The following DGKI variants were observed in gnomAD, a reference collection of about 807,000 sequenced individuals.
DGKI encodes diacylglycerol kinase iota.
DGKI carries 55 observed loss-of-function variants against 147.5 expected under a neutral mutation model. The observed-to-expected ratio is 0.37, with a 90% CI of 0.30 to 0.47. The LOEUF is 0.47. Among genes scored for constraint, DGKI ranks in the 20% least tolerant of loss-of-function variants. DGKI has a pLI of 1.00. For synonymous variants in DGKI, 469 were observed against 477.1 expected (o/e 0.98, Z 0.22); for missense variants, 1,007 against 1,323.8 (o/e 0.76, Z 3.71).
intron 21 of DGKI, among the ~76,000 whole-genome samples, chr7:137,489,024 T>G (rs1250005389): frequency 1.3e-5 from 2 of 152,120 alleles, no homozygotes; most frequent in African/African-American, 2.4e-5. Flanking sequence ...AGAGTTTGTA[T>G]CTCAATGTTA....
intron 10 of DGKI, among the ~76,000 whole-genome samples, 164 bp from the exon 11 acceptor site, chr7:137,600,069 A>G (rs1317179660): frequency 6.6e-6 from 1 of 151,278 alleles, no homozygotes; most frequent in Non-Finnish European, 1.5e-5. Flanking sequence ...GGATCACTTG[A>G]GCCCAGGAGT....
At chr7:137,505,928 A>G (rs963838895) in intron 21 of DGKI, among the ~76,000 whole-genome samples, 1 of 151,390 alleles carries the variant, frequency 6.6e-6, no homozygotes, top group African/African-American at 2.4e-5. Context: ...ACCTAATAGA[A>G]TGGCTAAAAT....
intron 28 of DGKI, 131 bp downstream of exon 28, chr7:137,443,946 C>T (rs1394235104): frequency 4.1e-6 from 3 of 731,178 alleles, no homozygotes; most frequent in Non-Finnish European, 4.4e-6. Context: ...TGACATTTCA[C>T]ATTCAAAAAC....
chr7:137,409,812 T>C (rs1812094537), intron 29 of DGKI, among the ~76,000 whole-genome samples: 1 of 152,154 alleles, frequency 6.6e-6, no homozygotes. Flanking sequence ...GTCCAGGAGC[T>C]ATTTGTGACA....
chr7:137,814,992 A>C (rs951127868), intron 1 of DGKI, among the ~76,000 whole-genome samples: 4 of 152,136 alleles, frequency 2.6e-5, no homozygotes, highest in Non-Finnish European at 5.9e-5. Context: ...GCTAACTTGA[A>C]TCCTGCTGAA....
At chr7:137,449,644 A>T (rs1464906370) in intron 27 of DGKI, among the ~76,000 whole-genome samples, 2 of 152,226 alleles carry the variant, frequency 1.3e-5, no homozygotes, top group Non-Finnish European at 2.9e-5. Flanking sequence ...CGATTACCTC[A>T]AATTCAAAAG....
intron 19 of DGKI, among the ~76,000 whole-genome samples, chr7:137,568,961 C>T (rs993184118): frequency 4.0e-5 from 6 of 149,134 alleles, no homozygotes; most frequent in African/African-American, 1.5e-4. Flanking sequence ...ACAAAAAGAA[C>T]AAGAACAAGA....
At chr7:137,565,692 A>C (rs1347672734) in intron 19 of DGKI, among the ~76,000 whole-genome samples, 2 of 152,178 alleles carry the variant, frequency 1.3e-5, no homozygotes, top group Non-Finnish European at 2.9e-5. Context: ...CGTCTTGAGA[A>C]GTTTAAATTA....
intron 1 of DGKI, among the ~76,000 whole-genome samples, chr7:137,717,285 C>A (rs1435943144): frequency 1.3e-5 from 2 of 152,132 alleles, no homozygotes; most frequent in Non-Finnish European, 2.9e-5. Flanking sequence ...ATGGCACAGA[C>A]ACGCCTTTTT....
At chr7:137,500,938 C>A (rs903131686) in intron 21 of DGKI, among the ~76,000 whole-genome samples, 9 of 152,106 alleles carry the variant, frequency 5.9e-5, no homozygotes, top group Non-Finnish European at 1.3e-4. Context: ...ACTACTATCA[C>A]CTGTGCTATA....
chr7:137,715,595 G>C (rs945895117), intron 1 of DGKI, among the ~76,000 whole-genome samples: 1 of 152,180 alleles, frequency 6.6e-6, no homozygotes, highest in Non-Finnish European at 1.5e-5. Context: ...TAAAGTCCCA[G>C]CTTCACTTAG....
In DGKI at chr7:137,683,316, ATCACTCTTTTATCCTTG is replaced by A. The variant is rs563893732; in HGVS notation, c.511-4681_511-4665del. Reference sequence around the variant, plus strand: ...ATACTAGACTCCAATAACAGCATCAATCACTCTTTTATCCTTGTCACTCTTTTATCCTTGTCACTCTT... The same window carrying A: ...ATACTAGACTCCAATAACAGCATCAATCACTCTTTTATCCTTGTCACTCTT... On this transcript the variant is annotated intron_variant, in intron 2 of 32. Coordinates refer to ENST00000614521, the MANE Select transcript of DGKI (RefSeq NM_001321708.2). Among the ~76,000 whole-genome samples, 25 of 151,790 alleles carry A rather than the reference ATCACTCTTTTATCCTTG, an allele frequency of 1.6e-4. No homozygotes were observed. The South Asian group carries it at 1.7e-3, about 10-fold the overall frequency.
At chr7:137,437,014 T>C (rs10244101) in intron 28 of DGKI, among the ~76,000 whole-genome samples, 65,497 of 151,954 alleles carry the variant, frequency 0.43, 14,938 homozygotes, top group East Asian at 0.74. Context: ...ACAAGTACTG[T>C]CACCTGCATC....
intron 27 of DGKI, among the ~76,000 whole-genome samples, chr7:137,458,154 T>C (rs529058047): frequency 1.3e-5 from 2 of 152,326 alleles, no homozygotes; most frequent in African/African-American, 2.4e-5. Flanking sequence ...ATTGACTGAA[T>C]TGTTTACCCT....
chr7:137,563,074 G>C (rs1818470404), intron 19 of DGKI, among the ~76,000 whole-genome samples: 1 of 151,818 alleles, frequency 6.6e-6, no homozygotes, highest in Non-Finnish European at 1.5e-5. Context: ...AGCCTAAGAG[G>C]GGCTTATCCT....
At chr7:137,741,294 T>C (rs1795167114) in intron 1 of DGKI, among the ~76,000 whole-genome samples, 1 of 152,226 alleles carries the variant, frequency 6.6e-6, no homozygotes, top group Non-Finnish European at 1.5e-5. Flanking sequence ...ATCAGAGTCA[T>C]TATTCATGCC....
At chr7:137,691,133 GA>G (rs1313143854) in intron 1 of DGKI, among the ~76,000 whole-genome samples, 3 of 152,148 alleles carry the variant, frequency 2.0e-5, no homozygotes, top group African/African-American at 7.2e-5. Context: ...TGAGGCACAG[GA>G]AGCTGCATTT....
chr7:137,719,405 C>A (rs1304688822), intron 1 of DGKI, among the ~76,000 whole-genome samples: 2 of 152,034 alleles, frequency 1.3e-5, no homozygotes, highest in Non-Finnish European at 2.9e-5. Context: ...TAATATATCT[C>A]CACGTCCCCC....
chr7:137,457,607 A>G (rs1397845144), intron 27 of DGKI, among the ~76,000 whole-genome samples: 1 of 152,130 alleles, frequency 6.6e-6, no homozygotes, highest in Admixed American at 6.5e-5. Context: ...GCAATTGCAG[A>G]CTATACTAAA....
Sources: gnomAD v4.1 joint callset for allele counts (sites outside exome capture counted in the v4.1 genomes callset) on GRCh38, gnomAD v4.1.1 for gene constraint, MANE v1.5 for transcripts, NCBI Gene and HGNC (gene_info 2026-07-23, HGNC 2026-07-21) for gene names.